The following GRIK2 variants were observed in gnomAD, a reference collection of about 807,000 sequenced individuals.
The protein encoded by GRIK2 is glutamate ionotropic receptor kainate type subunit 2.
In GRIK2, 32 loss-of-function variants were observed where a neutral mutation model predicts 100.3. The ratio of observed to expected loss-of-function variants is 0.32; its 90% CI spans 0.24 to 0.43. The LOEUF (loss-of-function observed/expected upper bound fraction) is 0.43. GRIK2 is among the 20% of genes least tolerant of loss of function. The probability of loss-of-function intolerance (pLI) is 1.00; values close to 1 mark genes in which losing one functional copy is unlikely to be tolerated. For missense variants in GRIK2, 843 were observed against 1,114.9 expected (o/e 0.76, Z 3.47); for synonymous variants, 417 against 389.4 (o/e 1.07, Z -0.83).
intron 14 of GRIK2, among the ~76,000 whole-genome samples, chr6:101,991,112 T>C (rs901192485): frequency 6.6e-6 from 1 of 151,920 alleles, no homozygotes; most frequent in African/African-American, 2.4e-5. Flanking sequence ...GTATGGATTC[T>C]GATAGTTTTC....
intron 2 of GRIK2, among the ~76,000 whole-genome samples, chr6:101,472,304 A>T (rs888238448): frequency 1.3e-5 from 2 of 151,510 alleles, no homozygotes; most frequent in African/African-American, 4.8e-5. Flanking sequence ...TTTTTGTTTG[A>T]ATTTGTTTTC....
chr6:101,926,144 C>T (rs1235184952), intron 13 of GRIK2, among the ~76,000 whole-genome samples: 1 of 149,696 alleles, frequency 6.7e-6, no homozygotes, highest in Non-Finnish European at 1.5e-5. Flanking sequence ...AATGAAGAAT[C>T]AGTAGTTATA....
At chr6:101,398,907 C>T (rs1001465578) in intron 1 of GRIK2, 78 bp from the exon 2 acceptor site, 11 of 424,198 alleles carry the variant, frequency 2.6e-5, no homozygotes, top group African/African-American at 2.0e-4. Context: ...TTGTGCCGGG[C>T]TGTGGCTCGC....
rs57491735 is a variant in GRIK2, at chr6:101,988,090, AGTGTGTGTGTGTGT to A, written c.2086-47221_2086-47208del. 7.4e-3 allele frequency among the ~76,000 whole-genome samples: 1,049 copies of A among 141,490 alleles called. 14 individuals are homozygous for A. The highest frequency in any genetic ancestry group is 0.024 in the African/African-American group (917 of 38,006). The allele number at this position is 141,490 out of a possible 152,430, so 92.8% of individuals were successfully genotyped here. A position where few individuals can be genotyped will look rare whatever the true frequency, so the allele number is the denominator to read the frequency against. ...AGCTCAGGGCTTATGCCAGTATTAT[AGTGTGTGTGTGTGT>A]GTGTGTGTGTGTGTGTGTGTGTGTG... On this transcript the variant is annotated intron_variant, in intron 14 of 16. Transcript: ENST00000369134.
chr6:101,760,656 GTT>G (rs1299675432), intron 7 of GRIK2, among the ~76,000 whole-genome samples: 1 of 64,114 alleles, frequency 1.6e-5, no homozygotes, highest in Non-Finnish European at 2.5e-5. Flanking sequence ...ATAATTATAT[GTT>G]TAATTATATA....
chr6:101,858,372 C>T (rs991430476), intron 10 of GRIK2, among the ~76,000 whole-genome samples: 4 of 130,844 alleles, frequency 3.1e-5, no homozygotes, highest in African/African-American at 1.1e-4. Flanking sequence ...CTCTCTCTCT[C>T]TCTATTTTTT....
chr6:101,424,841 T>A (rs1776619613), intron 2 of GRIK2, among the ~76,000 whole-genome samples: 2 of 151,966 alleles, frequency 1.3e-5, no homozygotes, highest in South Asian at 2.1e-4. Context: ...CTTGCGATAG[T>A]TTGCTGAGAA....
intron 2 of GRIK2, among the ~76,000 whole-genome samples, chr6:101,458,780 A>C (rs943717015): frequency 6.6e-6 from 1 of 152,172 alleles, no homozygotes; most frequent in Non-Finnish European, 1.5e-5. Context: ...ATCCACATGG[A>C]GTAGGTATTA....
chr6:101,458,314 T>C (rs1012204979), intron 2 of GRIK2, among the ~76,000 whole-genome samples: 11 of 152,218 alleles, frequency 7.2e-5, no homozygotes, highest in Non-Finnish European at 1.2e-4. Flanking sequence ...TGAAAAGCCA[T>C]GAACCAATCT....
intron 4 of GRIK2, among the ~76,000 whole-genome samples, chr6:101,639,186 G>A (rs973070595): frequency 1.3e-5 from 2 of 152,072 alleles, no homozygotes; most frequent in Admixed American, 1.3e-4. Flanking sequence ...ACAGGCACGT[G>A]CCACCATGCC....
At chr6:101,473,961 AAACCTG>A (rs1232195208) in intron 2 of GRIK2, among the ~76,000 whole-genome samples, 1 of 151,854 alleles carries the variant, frequency 6.6e-6, no homozygotes, top group African/African-American at 2.4e-5. Context: ...GATTTTTAAA[AAACCTG>A]CTGCCTAGTT....
chr6:101,910,610 T>C (rs1788609087), intron 12 of GRIK2, among the ~76,000 whole-genome samples: 1 of 151,304 alleles, frequency 6.6e-6, no homozygotes, highest in African/African-American at 2.4e-5. Flanking sequence ...ATATTGTATA[T>C]TTGAGCATGT....
At chr6:101,645,114 AAGT>A (rs1781458269) in intron 4 of GRIK2, among the ~76,000 whole-genome samples, 1 of 151,686 alleles carries the variant, frequency 6.6e-6, no homozygotes, top group African/African-American at 2.4e-5. Context: ...ACTGTACAAC[AAGT>A]AAGACATAAT....
chr6:101,917,819 G>T (rs1407102813), intron 12 of GRIK2, among the ~76,000 whole-genome samples: 2 of 150,908 alleles, frequency 1.3e-5, no homozygotes, highest in African/African-American at 4.9e-5. Flanking sequence ...AGTAGTAAGA[G>T]ATCACGTCTT....
intron 7 of GRIK2, among the ~76,000 whole-genome samples, chr6:101,719,138 G>GTTTATTTTTT (rs1774276122): frequency 9.9e-6 from 1 of 101,170 alleles, no homozygotes; most frequent in African/African-American, 5.0e-5. Flanking sequence ...GGCTGCAAGG[G>GTTTATTTTTT]TTTTTTTTTT....
At chr6:101,580,713 C>T (rs1050229905) in intron 2 of GRIK2, among the ~76,000 whole-genome samples, 1 of 152,078 alleles carries the variant, frequency 6.6e-6, no homozygotes, top group Non-Finnish European at 1.5e-5. Context: ...TCTTTCTCTT[C>T]CTTTCTCAGC....
chr6:101,890,031 C>A, intron 12 of GRIK2, 168 bp downstream of exon 12: 1 of 601,116 alleles, frequency 1.7e-6, no homozygotes, highest in Non-Finnish European at 2.9e-6. Context: ...AATGTACTGT[C>A]CTGTCTTTGT....
intron 7 of GRIK2, among the ~76,000 whole-genome samples, chr6:101,789,968 A>G (rs1057141547): frequency 6.6e-6 from 1 of 152,198 alleles, no homozygotes; most frequent in Admixed American, 6.5e-5. Context: ...CTTTGAAGCA[A>G]TTGTGAATGG....
intron 7 of GRIK2, among the ~76,000 whole-genome samples, chr6:101,786,777 T>C (rs918865222): frequency 6.6e-6 from 1 of 152,076 alleles, no homozygotes; most frequent in African/African-American, 2.4e-5. Flanking sequence ...TGTTCACCAG[T>C]TGTTGTTGCT....
Sources: gnomAD v4.1 joint callset for allele counts (sites outside exome capture counted in the v4.1 genomes callset) on GRCh38, gnomAD v4.1.1 for gene constraint, MANE v1.5 for transcripts, NCBI Gene and HGNC (gene_info 2026-07-23, HGNC 2026-07-21) for gene names.